Variants in SCARA3 observed in about 807,000 individuals in gnomAD.
SCARA3 encodes scavenger receptor class A member 3.
A neutral mutation model predicts 47.0 loss-of-function variants in SCARA3; 39 were observed. The ratio of observed to expected loss-of-function variants is 0.83; its 90% CI spans 0.64 to 1.08. The LOEUF is 1.08. Among genes scored for constraint, SCARA3 ranks in the 50% least tolerant of loss-of-function variants. The probability of loss-of-function intolerance (pLI) is 0.00; values close to 1 mark genes in which losing one functional copy is unlikely to be tolerated. For missense variants in SCARA3, 724 were observed against 792.3 expected, an observed-to-expected ratio of 0.91 and a Z score of 1.04; for synonymous variants, 356 against 334.1, an observed-to-expected ratio of 1.07 and a Z score of -0.71.
At chr8:27,682,967 A>G in the SCARA3 span, among the ~76,000 whole-genome samples, 1 of 152,128 alleles carries the variant, frequency 6.6e-6, no homozygotes, top group Non-Finnish European at 1.5e-5. Flanking sequence ...CCAAAAAATT[A>G]TTGTACAAGA....
At chr8:27,704,772 A>C in the SCARA3 span, among the ~76,000 whole-genome samples, 5 of 149,190 alleles carry the variant, frequency 3.4e-5, no homozygotes, top group African/African-American at 1.2e-4. Flanking sequence ...ACACACACGC[A>C]CACACAGAAG....
At chr8:27,670,797 T>G in intron 5 of SCARA3, 103 bp from the exon 6 acceptor site, 1 of 889,728 alleles carries the variant, frequency 1.1e-6, no homozygotes, top group Non-Finnish European at 1.7e-6. Context: ...CCGCTGGACT[T>G]GTTCAACCCT....
chr8:27,658,702 A>G lies in SCARA3; in HGVS notation c.532A>G (p.Ile178Val). The G allele has an allele frequency of 1.2e-6, 2 of 1,614,052 alleles. No homozygotes were observed. Among genetic ancestry groups the G allele is most frequent in the African/African-American group, 2.7e-5 (2 of 75,034 alleles). Residue 178 changes from isoleucine to valine, a missense_variant, in exon 5 of 6, where the codon ATC becomes GTC. Physicochemically the swap from Ile to Val is conservative, Grantham distance 29. Coordinates refer to ENST00000301904, the MANE Select transcript of SCARA3 (RefSeq NM_016240.3). The stretch of plus-strand genomic sequence containing the variant: ...GGAGATGGGCAGTTGCTCCTTCTCC[A>G]TCCACCAGGTTAACCAGTCTCTGGG... ...SQEMGSCSFSIHQVNQSLGLF... is the reference protein window; with the variant it reads ...SQEMGSCSFSVHQVNQSLGLF...
At chr8:27,721,051 T>C in the SCARA3 span, among the ~76,000 whole-genome samples, 1 of 152,150 alleles carries the variant, frequency 6.6e-6, no homozygotes, top group South Asian at 2.1e-4. Context: ...GCACCTATTA[T>C]CCATCTACTC....
intron 1 of SCARA3, among the ~76,000 whole-genome samples, chr8:27,639,542 T>C (rs1801338349): frequency 6.6e-6 from 1 of 151,918 alleles, no homozygotes; most frequent in Non-Finnish European, 1.5e-5. Context: ...AGAGATGGCC[T>C]GCAGTTGAGG....
chr8:27,690,211 GTA>G, the SCARA3 span, among the ~76,000 whole-genome samples: 1 of 152,142 alleles, frequency 6.6e-6, no homozygotes, highest in East Asian at 1.9e-4. Flanking sequence ...GTATATCTTG[GTA>G]TCTCTGACAG....
the SCARA3 span, among the ~76,000 whole-genome samples, chr8:27,700,700 C>T: frequency 6.6e-6 from 1 of 152,010 alleles, no homozygotes; most frequent in Middle Eastern, 3.4e-3. Flanking sequence ...AAAAGTGTTC[C>T]AGCTTCATTA....
At chr8:27,713,934 T>G in the SCARA3 span, among the ~76,000 whole-genome samples, 1 of 152,170 alleles carries the variant, frequency 6.6e-6, no homozygotes. Flanking sequence ...CCCTCATGGC[T>G]TGGTGCTGTC....
the SCARA3 span, among the ~76,000 whole-genome samples, chr8:27,704,316 C>T: frequency 1.3e-5 from 2 of 151,882 alleles, no homozygotes; most frequent in African/African-American, 2.4e-5. Flanking sequence ...CTTAGTGGCA[C>T]GCATCTGTAG....
the SCARA3 span, among the ~76,000 whole-genome samples, chr8:27,716,174 G>T: frequency 6.6e-6 from 1 of 152,134 alleles, no homozygotes; most frequent in Non-Finnish European, 1.5e-5. Context: ...TTAGCTGGGT[G>T]TGGTGGTGCA....
intron 5 of SCARA3, among the ~76,000 whole-genome samples, chr8:27,659,848 T>TAAAAAAAAA (rs1164812144): frequency 1.5e-4 from 6 of 40,354 alleles, no homozygotes; most frequent in Admixed American, 3.8e-4. Context: ...AGTCCTTATC[T>TAAAAAAAAA]AAAAAAAAAA....
the SCARA3 span, among the ~76,000 whole-genome samples, chr8:27,725,714 G>GCA: frequency 1.1e-3 from 165 of 152,272 alleles, 1 homozygote; most frequent in Middle Eastern, 0.014. Flanking sequence ...TGGAGACCAT[G>GCA]CACAGTTCAA....
At chr8:27,670,848 G>A (rs890064586) in intron 5 of SCARA3, 52 bp from the exon 6 acceptor site, 26 of 1,455,460 alleles carry the variant, frequency 1.8e-5, no homozygotes, top group Middle Eastern at 4.8e-4. Flanking sequence ...GGCGAGCCTC[G>A]GGTGGGGAGC....
downstream of SCARA3, chr8:27,673,142 G>A: frequency 3.3e-6 from 1 of 298,608 alleles, no homozygotes; most frequent in Non-Finnish European, 5.0e-6. Context: ...TCTCACTGGA[G>A]TTGGGTCTAA....
At chr8:27,694,447 G>C in the SCARA3 span, among the ~76,000 whole-genome samples, 4 of 152,094 alleles carry the variant, frequency 2.6e-5, no homozygotes, top group Non-Finnish European at 5.9e-5. Flanking sequence ...GAGATATAGA[G>C]ATACATATTC....
At position 27,658,794 on chromosome 8, in the gene SCARA3, C is replaced by T. The variant is rs780423791; in HGVS notation, c.624C>T (p.Asp208=). 2 of 1,613,962 alleles carry T rather than the reference C, an allele frequency of 1.2e-6. No homozygotes were observed. Among genetic ancestry groups the T allele is most frequent in the Admixed American group, 1.7e-5 (1 of 59,990 alleles). The change falls in exon 5 of 6, where the codon GAC becomes GAT. Residue 208 remains aspartate (D), a synonymous_variant. Coordinates refer to ENST00000301904, the MANE Select transcript of SCARA3 (RefSeq NM_016240.3). ...TTAGLDLSLK[D]LTQECYDVKA... ...CTGGCCTGGACCTCTCTCTGAAGGA[C>T]CTCACCCAGGAGTGCTACGATGTCA...
downstream of SCARA3, among the ~76,000 whole-genome samples, chr8:27,677,006 G>A (rs1198310231): frequency 6.6e-6 from 1 of 152,176 alleles, no homozygotes; most frequent in Non-Finnish European, 1.5e-5. Context: ...CTTGGGACTT[G>A]CTTGTTCCCC....
chr8:27,637,924 G>T (rs1801290832), intron 1 of SCARA3, among the ~76,000 whole-genome samples: 1 of 152,050 alleles, frequency 6.6e-6, no homozygotes, highest in African/African-American at 2.4e-5. Context: ...ACGGGAAGGA[G>T]CCAGGGCTAG....
chr8:27,676,862 T>C (rs1445198215), downstream of SCARA3: 2 of 268,884 alleles, frequency 7.4e-6, no homozygotes, highest in Non-Finnish European at 1.4e-5. Context: ...TCCAACACTC[T>C]GCCTTCTGAT....
Sources: gnomAD v4.1 joint callset for allele counts (sites outside exome capture counted in the v4.1 genomes callset) on GRCh38, gnomAD v4.1.1 for gene constraint, MANE v1.5 for transcripts, NCBI Gene and HGNC (gene_info 2026-07-23, HGNC 2026-07-21) for gene names.